Variants in SCHIP1 observed in about 807,000 individuals in gnomAD.
SCHIP1 encodes schwannomin-interacting protein 1.
Under a neutral mutation model 29.7 loss-of-function variants are expected in SCHIP1, and 8 were observed. The ratio of observed to expected loss-of-function variants is 0.27; its 90% CI spans 0.16 to 0.49. SCHIP1 has a LOEUF of 0.49. SCHIP1 is among the 20% of genes least tolerant of loss of function. SCHIP1 has a pLI of 0.99. For missense variants in SCHIP1, 193 were observed against 294.6 expected (o/e 0.66, Z 2.52); for synonymous variants, 76 against 94.9 (o/e 0.80, Z 1.16).
the SCHIP1 span, among the ~76,000 whole-genome samples, chr3:159,390,446 C>T: frequency 2.6e-5 from 4 of 151,894 alleles, no homozygotes; most frequent in African/African-American, 4.8e-5. Flanking sequence ...GTTTTCTGGA[C>T]GTTCTGTGTC....
the SCHIP1 span, among the ~76,000 whole-genome samples, chr3:159,782,849 C>T: frequency 0.019 from 2,947 of 152,324 alleles, 101 homozygotes; most frequent in African/African-American, 0.067. Context: ...GGCAGCCTTG[C>T]TGTGATGGGC....
the SCHIP1 span, among the ~76,000 whole-genome samples, chr3:159,784,177 G>T: frequency 6.6e-6 from 1 of 152,164 alleles, no homozygotes; most frequent in Non-Finnish European, 1.5e-5. Context: ...TCCACCTACC[G>T]CAATGAAAAG....
the SCHIP1 span, among the ~76,000 whole-genome samples, chr3:159,496,516 A>G: frequency 5.3e-5 from 8 of 152,222 alleles, no homozygotes; most frequent in Non-Finnish European, 1.0e-4. Context: ...GCTCATCATC[A>G]CTGGCCATCA....
the SCHIP1 span, among the ~76,000 whole-genome samples, chr3:159,803,177 A>ATG: frequency 0.12 from 18,694 of 150,600 alleles, 1,562 homozygotes; most frequent in African/African-American, 0.24. Context: ...AAAGGTGTGT[A>ATG]TGTGTGTGTG....
the SCHIP1 span, among the ~76,000 whole-genome samples, chr3:159,736,502 TCTC>T: frequency 1.3e-5 from 2 of 152,138 alleles, no homozygotes; most frequent in Non-Finnish European, 2.9e-5. Flanking sequence ...CCCCAACTAT[TCTC>T]CTTAAGCTTT....
intron 1 of SCHIP1, among the ~76,000 whole-genome samples, chr3:159,840,410 C>G (rs1198310715): frequency 2.6e-5 from 4 of 152,128 alleles, no homozygotes; most frequent in Admixed American, 2.0e-4. Context: ...GCTTCCTTGG[C>G]CTTTAAAGCA....
the SCHIP1 span, among the ~76,000 whole-genome samples, chr3:159,456,835 A>T: frequency 2.6e-5 from 4 of 152,222 alleles, no homozygotes; most frequent in Non-Finnish European, 5.9e-5. Context: ...ATCATAAATA[A>T]GTGTGTATCC....
the SCHIP1 span, among the ~76,000 whole-genome samples, chr3:159,289,743 A>C: frequency 6.6e-6 from 1 of 152,224 alleles, no homozygotes; most frequent in Admixed American, 6.5e-5. Context: ...GATACTACAT[A>C]AACATTTCTT....
chr3:159,597,138 T>C, the SCHIP1 span, among the ~76,000 whole-genome samples: 1 of 152,116 alleles, frequency 6.6e-6, no homozygotes, highest in Non-Finnish European at 1.5e-5. Flanking sequence ...AGGGCATGCA[T>C]ACCATATAAA....
the SCHIP1 span, among the ~76,000 whole-genome samples, chr3:159,395,461 C>G: frequency 6.6e-6 from 1 of 151,612 alleles, no homozygotes; most frequent in Non-Finnish European, 1.5e-5. Flanking sequence ...GCATTTAGTG[C>G]TATAAATTTC....
the SCHIP1 span, among the ~76,000 whole-genome samples, chr3:159,392,160 T>C: frequency 6.6e-6 from 1 of 152,190 alleles, no homozygotes; most frequent in Admixed American, 6.5e-5. Flanking sequence ...TCATCAGCTT[T>C]AGTTATTTCA....
At chr3:159,381,603 TTTC>T in the SCHIP1 span, among the ~76,000 whole-genome samples, 5 of 151,346 alleles carry the variant, frequency 3.3e-5, no homozygotes, top group East Asian at 1.9e-4. Context: ...TGGATTTCTT[TTTC>T]TTCTTCTTTT....
At chr3:159,365,340 C>A in the SCHIP1 span, among the ~76,000 whole-genome samples, 1 of 152,048 alleles carries the variant, frequency 6.6e-6, no homozygotes, top group African/African-American at 2.4e-5. Flanking sequence ...TATATTGAAA[C>A]ATGCGTTTTT....
the SCHIP1 span, among the ~76,000 whole-genome samples, chr3:159,529,534 A>C: frequency 6.6e-6 from 1 of 152,206 alleles, no homozygotes; most frequent in Non-Finnish European, 1.5e-5. Flanking sequence ...CTTTGATGCA[A>C]GCATACAATG....
At chr3:159,693,580 A>G in the SCHIP1 span, among the ~76,000 whole-genome samples, 1 of 152,208 alleles carries the variant, frequency 6.6e-6, no homozygotes, top group South Asian at 2.1e-4. Context: ...TGAAATATCT[A>G]TAAGACGAAC....
At chr3:159,716,827 C>A in the SCHIP1 span, among the ~76,000 whole-genome samples, 2 of 152,158 alleles carry the variant, frequency 1.3e-5, no homozygotes, top group Non-Finnish European at 2.9e-5. Flanking sequence ...TTAGACAGAT[C>A]AACGAGACAG....
the SCHIP1 span, among the ~76,000 whole-genome samples, chr3:159,428,534 G>A: frequency 1.2e-4 from 19 of 152,002 alleles, no homozygotes; most frequent in African/African-American, 4.1e-4. Context: ...ATCATTAAAA[G>A]GTCAGGAAAC....
At chr3:159,469,344 C>A in the SCHIP1 span, among the ~76,000 whole-genome samples, 1 of 152,010 alleles carries the variant, frequency 6.6e-6, no homozygotes, top group Non-Finnish European at 1.5e-5. Flanking sequence ...GTGCTGACAC[C>A]GCCAAGCTAA....
the SCHIP1 span, among the ~76,000 whole-genome samples, chr3:159,717,758 A>G: frequency 6.6e-6 from 1 of 152,234 alleles, no homozygotes; most frequent in Non-Finnish European, 1.5e-5. Flanking sequence ...AACCAAAAAA[A>G]GTCCAGGACC....
Sources: allele counts gnomAD v4.1 joint callset (sites outside exome capture counted in the v4.1 genomes callset), GRCh38; gene constraint gnomAD v4.1.1; transcripts MANE v1.5; gene names NCBI Gene and HGNC (gene_info 2026-07-23, HGNC 2026-07-21).